Variants in FGF10 observed in about 807,000 individuals in gnomAD.
FGF10 encodes the protein fibroblast growth factor 10.
In FGF10, 2 loss-of-function variants were observed where a neutral mutation model predicts 19.8. That is an observed-to-expected ratio of 0.10 (90% CI 0.04 to 0.32). The LOEUF (loss-of-function observed/expected upper bound fraction) is 0.32. Ranked by LOEUF, FGF10 falls within the 10% of genes least tolerant of loss-of-function variation. The pLI is 1.00. For synonymous variants in FGF10, 112 were observed against 94.0 expected (o/e 1.19, Z -1.10); for missense variants, 191 against 246.3 (o/e 0.78, Z 1.50).
At chr5:44,328,818 A>G (rs1459196047) in intron 1 of FGF10, among the ~76,000 whole-genome samples, 1 of 152,180 alleles carries the variant, frequency 6.6e-6, no homozygotes, top group Non-Finnish European at 1.5e-5. Flanking sequence ...ACAAATATGT[A>G]TTCTCACTGA....
chr5:44,387,719 C>T (rs1361897927), intron 1 of FGF10, among the ~76,000 whole-genome samples: 2 of 152,058 alleles, frequency 1.3e-5, no homozygotes, highest in African/African-American at 4.8e-5. Flanking sequence ...GGACTGCAAT[C>T]ACTCAAACTA....
In FGF10 at chr5:44,330,445, C is replaced by A. The variant is rs553108075; in HGVS notation, c.326-19915G>T. On this transcript the variant is annotated intron_variant, in intron 1 of 2. Coordinates refer to ENST00000264664, the MANE Select transcript of FGF10 (RefSeq NM_004465.2). The stretch of plus-strand genomic sequence containing the variant: ...TATTCAGTTTAAGATCAGATCCAAG[C>A]CTTTTGGCATTAACTACCTTAAAAC... Among the ~76,000 whole-genome samples, 4 of 152,194 alleles carry A rather than the reference C, an allele frequency of 2.6e-5. No homozygotes were observed. The East Asian group carries it at 5.8e-4, about 22-fold the overall frequency.
At chr5:44,372,872 T>C (rs1741773001) in intron 1 of FGF10, among the ~76,000 whole-genome samples, 2 of 152,228 alleles carry the variant, frequency 1.3e-5, no homozygotes, top group Middle Eastern at 3.2e-3. Flanking sequence ...AATCAGCCTC[T>C]GTGACTTGAG....
chr5:44,339,644 A>G (rs1390864456), intron 1 of FGF10, among the ~76,000 whole-genome samples: 1 of 152,034 alleles, frequency 6.6e-6, no homozygotes, highest in Non-Finnish European at 1.5e-5. Context: ...CCACTTTGCA[A>G]TTCTTTGAAT....
In FGF10 at chr5:44,303,755, T is replaced by C. The variant is rs1244147104; in HGVS notation, c.*1240A>G. 1 of 152,236 alleles carries C rather than the reference T, an allele frequency of 6.6e-6. No individual in the cohort carries two copies. Among genetic ancestry groups the C allele is most frequent in the Non-Finnish European group, 1.5e-5 (1 of 68,046 alleles). The allele number at this position is 152,236 out of a possible 1,614,324, so 9.4% of individuals were successfully genotyped here. ...ACAGGTTTTTGTATATGGTTACACA[T>C]ATACCAGTATATATTTGATTTGCTC... On this transcript the variant is annotated 3_prime_UTR_variant, in exon 3 of 3. Coordinates refer to ENST00000264664, the MANE Select transcript of FGF10 (RefSeq NM_004465.2).
chr5:44,320,342 T>G (rs796399093), intron 1 of FGF10, among the ~76,000 whole-genome samples: 1 of 152,206 alleles, frequency 6.6e-6, no homozygotes, highest in Non-Finnish European at 1.5e-5. Context: ...CTTCCACCCA[T>G]GCTTCTTTCC....
intron 1 of FGF10, among the ~76,000 whole-genome samples, chr5:44,333,224 A>G (rs1010069514): frequency 2.0e-5 from 3 of 152,172 alleles, no homozygotes; most frequent in African/African-American, 7.2e-5. Context: ...TGTGTATTTT[A>G]TTACAGAAGT....
intron 1 of FGF10, among the ~76,000 whole-genome samples, chr5:44,348,859 C>G (rs1376963164): frequency 6.6e-6 from 1 of 151,416 alleles, no homozygotes; most frequent in Non-Finnish European, 1.5e-5. Flanking sequence ...TTCCCCTCAT[C>G]ACCTCTGATT....
intron 1 of FGF10, among the ~76,000 whole-genome samples, chr5:44,324,110 A>G (rs998311716): frequency 6.6e-6 from 1 of 152,158 alleles, no homozygotes; most frequent in Non-Finnish European, 1.5e-5. Context: ...ATTTAAGAAT[A>G]GATGATAGAT....
intron 2 of FGF10, among the ~76,000 whole-genome samples, chr5:44,306,715 G>A (rs189384207): frequency 1.5e-3 from 232 of 152,260 alleles, no homozygotes; most frequent in African/African-American, 5.5e-3. Context: ...CTATGTTAAT[G>A]CTACCAGCTC....
intron 1 of FGF10, among the ~76,000 whole-genome samples, chr5:44,315,962 C>G (rs1263784413): frequency 6.6e-6 from 1 of 152,086 alleles, no homozygotes; most frequent in East Asian, 1.9e-4. Context: ...TCCCATGGAC[C>G]AATATTGGAA....
intron 1 of FGF10, among the ~76,000 whole-genome samples, chr5:44,313,589 T>TTG (rs1554035898): frequency 1.0e-4 from 3 of 30,076 alleles, no homozygotes; most frequent in Admixed American, 6.0e-4. Flanking sequence ...TAAAAAAAGG[T>TTG]TTTTTTTTTT....
At chr5:44,342,130 C>T (rs1465574090) in intron 1 of FGF10, among the ~76,000 whole-genome samples, 2 of 152,050 alleles carry the variant, frequency 1.3e-5, no homozygotes, top group East Asian at 1.9e-4. Context: ...CATGCTACCA[C>T]GTATTCCTTA....
chr5:44,305,085 T>C lies in FGF10; in HGVS notation c.537A>G (p.Ala179=). ...WQHNGRQMYV[A]LNGKGAPRRG... is the part of the protein sequence containing the mutation. The stretch of plus-strand genomic sequence containing the variant: ...TCCTTGGAGCTCCTTTTCCATTCAA[T>C]GCCACATACATTTGCCTCCCATTAT... Residue 179 remains alanine, a synonymous_variant, in exon 3 of 3, where the codon GCA becomes GCG. Transcript: ENST00000264664. 6.2e-7 allele frequency: 1 copy of C among 1,614,070 alleles called. No individual in the cohort carries two copies. The highest frequency in any genetic ancestry group is 2.2e-5 in the East Asian group (1 of 44,860).
chr5:44,331,562 T>C (rs1419635913), intron 1 of FGF10, among the ~76,000 whole-genome samples: 1 of 152,128 alleles, frequency 6.6e-6, no homozygotes, highest in Admixed American at 6.5e-5. Flanking sequence ...AAAAGGTCAT[T>C]TTAAAGACAT....
At chr5:44,356,216 G>T (rs954109530) in intron 1 of FGF10, among the ~76,000 whole-genome samples, 1 of 151,386 alleles carries the variant, frequency 6.6e-6, no homozygotes, top group Non-Finnish European at 1.5e-5. Context: ...AGTGGTTCCC[G>T]TGGGTAATAT....
At position 44,326,357 on chromosome 5, in the gene FGF10, T is replaced by C. The variant is rs183030268; in HGVS notation, c.326-15827A>G. On this transcript the variant is annotated intron_variant, in intron 1 of 2. Coordinates refer to ENST00000264664, the MANE Select transcript of FGF10 (RefSeq NM_004465.2). ...GAGAAGTATGATGAAGAGGATGGCA[T>C]ATTTAGCTTGAAGTTAAAAGAGATC... 5.4e-4 allele frequency among the ~76,000 whole-genome samples: 82 copies of C among 152,262 alleles called. 1 individual carries two copies. Among genetic ancestry groups the C allele is most frequent in the East Asian group, 7.7e-4 (4 of 5,180 alleles).
At chr5:44,355,948 T>C (rs999598856) in intron 1 of FGF10, among the ~76,000 whole-genome samples, 1 of 151,572 alleles carries the variant, frequency 6.6e-6, no homozygotes, top group East Asian at 1.9e-4. Flanking sequence ...CAATTCTTAG[T>C]GTCAGGAAAA....
chr5:44,376,518 C>CAAAAAAAAAAAAAA (rs1265124775), intron 1 of FGF10, among the ~76,000 whole-genome samples: 2 of 72,692 alleles, frequency 2.8e-5, no homozygotes, highest in Non-Finnish European at 5.5e-5. Flanking sequence ...AAAAAAAAAA[C>CAAAAAAAAAAAAAA]AAAAAACCCA....
Sources: allele counts gnomAD v4.1 joint callset (sites outside exome capture counted in the v4.1 genomes callset), GRCh38; gene constraint gnomAD v4.1.1; transcripts MANE v1.5; gene names NCBI Gene and HGNC (gene_info 2026-07-23, HGNC 2026-07-21).